The following OBSL1 variants were observed in gnomAD, a reference collection of about 807,000 sequenced individuals.
The protein encoded by OBSL1 is obscurin like cytoskeletal adaptor 1.
In OBSL1, 160 loss-of-function variants were observed where a neutral mutation model predicts 172.0. The observed-to-expected ratio is 0.93, with a 90% CI of 0.82 to 1.06. The LOEUF (loss-of-function observed/expected upper bound fraction) is 1.06, where lower values mean the gene tolerates loss of function less well. Among genes scored for constraint, OBSL1 ranks in the 50% least tolerant of loss-of-function variants. The pLI, the probability that OBSL1 is intolerant of heterozygous loss-of-function variation, is 0.00. For missense variants in OBSL1, 2,681 were observed against 2,715.4 expected (o/e 0.99, Z 0.28); for synonymous variants, 1,200 against 1,196.3 (o/e 1.00, Z -0.06).
Position 219,554,474 on chromosome 2 carries a change from C to T in OBSL1, c.4876G>A (p.Glu1626Lys), listed in dbSNP as rs1695855586. The stretch of plus-strand genomic sequence containing the variant: ...CAGGCTGTGGTCCTGGAGGCCACAC[C>T]TCTCACAATGAGTCTGGCTGCGCAG... ...LRCAARLIVR[E>K]VPVTIVRGPH... is the part of the protein sequence containing the mutation. The change falls in exon 15 of 21, where the codon GAG becomes AAG. Residue 1626 changes from glutamate (E) to lysine (K), a missense_variant and splice_region_variant. Glu to Lys is a moderately conservative substitution (Grantham distance 56). Transcript: ENST00000404537. 3 of 1,612,520 alleles carry T rather than the reference C, an allele frequency of 1.9e-6. No individual in the cohort carries two copies. Among genetic ancestry groups the T allele is most frequent in the Admixed American group, 1.7e-5 (1 of 59,998 alleles).
intron 1 of OBSL1, among the ~76,000 whole-genome samples, chr2:219,569,940 TA>T (rs1336063242): frequency 6.6e-6 from 1 of 152,242 alleles, no homozygotes; most frequent in African/African-American, 2.4e-5. Flanking sequence ...AGAAGAGTTC[TA>T]GGGCCCTCCG....
downstream of OBSL1, chr2:219,549,272 C>T (rs752099980): frequency 6.8e-6 from 11 of 1,613,960 alleles, no homozygotes; most frequent in Non-Finnish European, 9.3e-6. Flanking sequence ...CCCCGGGCTC[C>T]TCCCAGGCCT....
rs375870998 is a variant in OBSL1 at position 219,553,622 on chromosome 2, C to A, written c.4941G>T (p.Thr1647=). 203 of 1,613,930 alleles carry A rather than the reference C, an allele frequency of 1.3e-4. 1 individual carries two copies. The African/African-American group carries it at 2.4e-3, about 19-fold the overall frequency. The part of the protein sequence containing the change: ...DLEVTEGDTA[T]FECELSQALA... ...AAGCTTGGGAAAGCTCGCACTCGAA[C>A]GTAGCTGTGTCGCCCTCGGTCACCT... Residue 1647 remains threonine, a synonymous_variant, in exon 16 of 21, where the codon ACG becomes ACT. Coordinates refer to ENST00000404537, the MANE Select transcript of OBSL1 (RefSeq NM_015311.3).
In OBSL1 at chr2:219,568,559, G is replaced by A. The variant is rs1697103672; in HGVS notation, c.1013-235C>T. Reference sequence around the variant, plus strand: ...AAGCAAGTCCATTTCAATGCTTCTGGGCCTCAGTCTCCTTACTTGTAAAAT... The same window carrying A: ...AAGCAAGTCCATTTCAATGCTTCTGAGCCTCAGTCTCCTTACTTGTAAAAT... On this transcript the variant is annotated intron_variant, in intron 1 of 20. Transcript: ENST00000404537. This position sits in a 1 kb window ranked among gnomAD's most constrained non-coding sequence, Gnocchi z 4.1. 1.3e-5 allele frequency among the ~76,000 whole-genome samples: 2 copies of A among 152,076 alleles called. No homozygotes were observed. The highest frequency in any genetic ancestry group is 4.1e-4 in the South Asian group (2 of 4,824).
intron 8 of OBSL1, 94 bp downstream of exon 8, chr2:219,562,308 C>T (rs1172741927): frequency 6.8e-6 from 10 of 1,478,466 alleles, no homozygotes; most frequent in Admixed American, 1.8e-5. Flanking sequence ...CCACACCTCC[C>T]TCCTCCCCGG....
In OBSL1 at chr2:219,566,992, C is replaced by T. The variant is rs112487236; in HGVS notation, c.1972G>A (p.Glu658Lys). 4.0e-5 allele frequency: 65 copies of T among 1,613,758 alleles called. No homozygotes were observed. The highest frequency in any genetic ancestry group is 2.7e-4 in the East Asian group (12 of 44,868). Residue 658 changes from glutamate (E) to lysine (K), a missense_variant, in exon 5 of 21, where the codon GAG becomes AAG. Around this residue, in one of 5 missense-constraint regions of OBSL1, gnomAD observed 1,765 missense variants for 1,748.3 expected, o/e 1.01. Transcript: ENST00000404537. The part of the protein sequence containing the change: ...FLNGEELKSN[E>K]PEGQVEPGAL... Reference sequence around the variant, plus strand: ...CCAGGTTCCACCTGGCCCTCCGGCTCGTTACTCTTGAGCTCTTCCCCATTA... The same window carrying T: ...CCAGGTTCCACCTGGCCCTCCGGCTTGTTACTCTTGAGCTCTTCCCCATTA...
chr2:219,553,453 T>TA, intron 16 of OBSL1, 121 bp downstream of exon 16: 1 of 770,754 alleles, frequency 1.3e-6, no homozygotes, highest in Non-Finnish European at 2.3e-6. Flanking sequence ...GGATTAAATA[T>TA]AATGCAAATC....
Position 219,556,647 on chromosome 2 carries a change from A to G in OBSL1, c.4143T>C (p.Cys1381=), listed in dbSNP as rs777850961. 5.0e-6 allele frequency: 8 copies of G among 1,613,236 alleles called. No homozygotes were observed. The highest frequency in any genetic ancestry group is 1.6e-4 in the Middle Eastern group (1 of 6,082). The change falls in exon 13 of 21, where the codon TGT becomes TGC. Residue 1381 remains cysteine, a synonymous_variant. Coordinates refer to ENST00000404537, the MANE Select transcript of OBSL1 (RefSeq NM_015311.3). ...CATCGGCATCTGGTGGGGAGACTTC[A>G]CACCGGAACGTGGCATCATCGCCCT... ...VHEGDDATFR[C]EVSPPDADVT...
In OBSL1 at chr2:219,571,130, C is replaced by T; in HGVS notation, c.103G>A (p.Val35Ile). 1.3e-6 allele frequency: 2 copies of T among 1,484,410 alleles called. No homozygotes were observed. Among genetic ancestry groups the T allele is most frequent in the Non-Finnish European group, 1.8e-6 (2 of 1,122,774 alleles). The allele number at this position is 1,484,410 out of a possible 1,614,324, so 92.0% of individuals were successfully genotyped here. ...ACTACAGGCGGCGGCTCCCCCAGGA[C>T]CACGCACTTGAGCTCGGCCTCGGCG... ...SGAEAELKCV[V>I]LGEPPPVVVW... The change falls in exon 1 of 21, where the codon GTC (valine) becomes ATC (isoleucine). Residue 35 changes from valine (V) to isoleucine (I), a missense_variant. Physicochemically the swap from Val to Ile is conservative, Grantham distance 29. Around this residue, in one of 5 missense-constraint regions of OBSL1, gnomAD observed 90 missense variants for 76.6 expected, o/e 1.18. Coordinates refer to ENST00000404537, the MANE Select transcript of OBSL1 (RefSeq NM_015311.3).
At chr2:219,549,703 T>C (rs1225499661), downstream of OBSL1, 2 of 1,612,242 alleles carry the variant, frequency 1.2e-6, no homozygotes, top group South Asian at 2.2e-5. Flanking sequence ...ACACCTATGT[T>C]TGCTCCCCCA....
downstream of OBSL1, chr2:219,548,103 T>C (rs768756580): frequency 6.6e-7 from 1 of 1,504,676 alleles, no homozygotes. Context: ...CAGGCCAAGG[T>C]GGACATGAGA....
intron 3 of OBSL1, 62 bp downstream of exon 3, chr2:219,567,656 G>C: frequency 6.3e-7 from 1 of 1,589,238 alleles, no homozygotes; most frequent in Non-Finnish European, 8.6e-7. Flanking sequence ...CACCAACCCA[G>C]CTCCGGCATC....
rs1221933088 is a variant in OBSL1 at position 219,568,437 on chromosome 2, G to A, written c.1013-113C>T. 30 of 1,060,010 alleles carry A rather than the reference G, an allele frequency of 2.8e-5. No homozygotes were observed. The highest frequency in any genetic ancestry group is 6.4e-5 in the African/African-American group (4 of 62,446). 65.7% of individuals were successfully genotyped at this position (1,060,010 alleles called of 1,614,324 possible). ...TGTGTGCTCTTCATGCAGAGCCAGCGGGCACTGTGGAATCACAGAAAACTA... is the reference window on the plus strand; with the variant it reads ...TGTGTGCTCTTCATGCAGAGCCAGCAGGCACTGTGGAATCACAGAAAACTA... On this transcript the variant is annotated intron_variant, in intron 1 of 20. Coordinates refer to ENST00000404537, the MANE Select transcript of OBSL1 (RefSeq NM_015311.3). The surrounding 1 kb of genome is among the most constrained non-coding windows in gnomAD (Gnocchi z 4.1).
Position 219,550,742 on chromosome 2 carries a change from T to G in OBSL1, c.*93A>C. ...AGGCAAGGAAATGAGCTGTAGCACT[T>G]TTATTGTTCCTTGTCTCTCTACCCC... On this transcript the variant is annotated 3_prime_UTR_variant, in exon 21 of 21. Coordinates refer to ENST00000404537, the MANE Select transcript of OBSL1 (RefSeq NM_015311.3). 6.6e-7 allele frequency: 1 copy of G among 1,506,748 alleles called. No homozygotes were observed. The highest frequency in any genetic ancestry group is 9.1e-7 in the Non-Finnish European group (1 of 1,104,594). 93.3% of individuals were successfully genotyped at this position (1,506,748 alleles called of 1,614,324 possible).
At position 219,554,625 on chromosome 2, in the gene OBSL1, A is replaced by C; in HGVS notation, c.4725T>G (p.Gly1575=). The C allele has an allele frequency of 6.2e-7, 1 of 1,611,856 alleles. No homozygotes were observed. Among genetic ancestry groups the C allele is most frequent in the Non-Finnish European group, 8.5e-7 (1 of 1,179,168 alleles). The change falls in exon 15 of 21, where the codon GGT becomes GGG. Residue 1575 remains glycine (G), a synonymous_variant. Coordinates refer to ENST00000404537, the MANE Select transcript of OBSL1 (RefSeq NM_015311.3). ...TGGGTCCTGGATACAGCTGTACTCC[A>C]CCCCGGGCCCACTCCCCGGTCACAC... ...QEGVTGEWAR[G]GVQLYPGPKC...
rs1424278803 is a variant in OBSL1, at chr2:219,552,602, T to C, written c.5242A>G (p.Thr1748Ala). The change falls in exon 18 of 21, where the codon ACG becomes GCG. Residue 1748 changes from threonine (T) to alanine (A), a missense_variant. Physicochemically the swap from Thr to Ala is moderately conservative, Grantham distance 58. Coordinates refer to ENST00000404537, the MANE Select transcript of OBSL1 (RefSeq NM_015311.3). ...FECTVSEVET[T>A]GRWELGGRPL... is the part of the protein sequence containing the mutation. Reference sequence around the variant, plus strand: ...CGGCCTCCGAGCTCCCAGCGCCCCGTGGTCTCGACCTCCGACACGGTGCAC... The same window carrying C: ...CGGCCTCCGAGCTCCCAGCGCCCCGCGGTCTCGACCTCCGACACGGTGCAC... 3 of 1,581,066 alleles carry C rather than the reference T, an allele frequency of 1.9e-6. No individual in the cohort carries two copies. Among genetic ancestry groups the C allele is most frequent in the South Asian group, 2.3e-5 (2 of 87,674 alleles).
At chr2:219,553,172 TCCCCAAG>T in intron 16 of OBSL1, 148 bp from the exon 17 acceptor site, 1 of 1,173,180 alleles carries the variant, frequency 8.5e-7, no homozygotes, top group Non-Finnish European at 1.1e-6. Flanking sequence ...GGTCGGACTG[TCCCCAAG>T]CCTTTGGGGT....
chr2:219,565,643 T>A, intron 5 of OBSL1, 129 bp from the exon 6 acceptor site: 1 of 832,998 alleles, frequency 1.2e-6, no homozygotes, highest in Non-Finnish European at 1.9e-6. Flanking sequence ...CACCAACCCT[T>A]AAGAGCAGTG....
intron 1 of OBSL1, 61 bp downstream of exon 1, chr2:219,570,160 G>C: frequency 7.2e-7 from 1 of 1,393,944 alleles, no homozygotes; most frequent in South Asian, 1.5e-5. Flanking sequence ...AGGAGGGCTG[G>C]AGTTCGGAGG....
Sources: allele counts gnomAD v4.1 joint callset (sites outside exome capture counted in the v4.1 genomes callset), GRCh38; gene constraint gnomAD v4.1.1; regional missense constraint gnomAD v4.1.1; non-coding constraint Gnocchi (gnomAD v3.1); transcripts MANE v1.5; gene names NCBI Gene and HGNC (gene_info 2026-07-23, HGNC 2026-07-21).